COL26A1: variants seen among roughly 807,000 people sequenced by gnomAD.
COL26A1 encodes collagen type XXVI alpha 1 chain, also known as collagen alpha-1(XXVI) chain.
A neutral mutation model predicts 59.3 loss-of-function variants in COL26A1; 41 were observed. The ratio of observed to expected loss-of-function variants is 0.69; its 90% CI spans 0.54 to 0.90. The LOEUF (loss-of-function observed/expected upper bound fraction) is 0.90. Ranked by LOEUF, COL26A1 falls within the 40% of genes least tolerant of loss-of-function variation. The pLI is 0.00. For synonymous variants in COL26A1, 266 were observed against 256.0 expected (o/e 1.04, Z -0.37); for missense variants, 612 against 602.3 (o/e 1.02, Z -0.17).
intron 3 of COL26A1, among the ~76,000 whole-genome samples, chr7:101,517,870 G>A (rs1018310226): frequency 7.4e-6 from 1 of 135,600 alleles, no homozygotes; most frequent in African/African-American, 2.8e-5. Flanking sequence ...CTGGAGTGCA[G>A]TGGTGCAATC....
chr7:101,421,624 G>A (rs749189632), intron 2 of COL26A1, among the ~76,000 whole-genome samples: 1 of 151,062 alleles, frequency 6.6e-6, no homozygotes, highest in African/African-American at 2.4e-5. Flanking sequence ...GCAGTAAACC[G>A]AGATTGCGCC....
At chr7:101,466,705 T>C (rs944506227) in intron 3 of COL26A1, among the ~76,000 whole-genome samples, 1 of 151,822 alleles carries the variant, frequency 6.6e-6, no homozygotes, top group African/African-American at 2.4e-5. Context: ...AATATATAAA[T>C]AAATACAGAC....
At chr7:101,486,972 G>A (rs1439184401) in intron 3 of COL26A1, among the ~76,000 whole-genome samples, 1 of 152,234 alleles carries the variant, frequency 6.6e-6, no homozygotes, top group East Asian at 1.9e-4. Context: ...ACAGTCCCAG[G>A]GCTGGAGGGG....
chr7:101,384,779 A>G (rs781060980), intron 1 of COL26A1, among the ~76,000 whole-genome samples: 1 of 152,168 alleles, frequency 6.6e-6, no homozygotes, highest in African/African-American at 2.4e-5. Flanking sequence ...GTGAAGTCCC[A>G]TAATAAGCCG....
intron 10 of COL26A1, 114 bp from the exon 11 acceptor site, chr7:101,553,212 G>A (rs1795896605): frequency 2.1e-6 from 2 of 934,548 alleles, no homozygotes; most frequent in Non-Finnish European, 3.4e-6. Context: ...CCGTTTCCCA[G>A]GCCCTGCCTG....
At chr7:101,419,824 C>T (rs975381050) in intron 1 of COL26A1, among the ~76,000 whole-genome samples, 153 bp from the exon 2 acceptor site, 16 of 152,164 alleles carry the variant, frequency 1.1e-4, no homozygotes, top group African/African-American at 2.4e-4. Flanking sequence ...CCCCTCAGAC[C>T]GAGACAGAGG....
At chr7:101,474,913 C>T (rs1793996867) in intron 3 of COL26A1, among the ~76,000 whole-genome samples, 1 of 152,312 alleles carries the variant, frequency 6.6e-6, no homozygotes, top group Non-Finnish European at 1.5e-5. Flanking sequence ...TGATCTCAGG[C>T]CAGGCGCAGT....
chr7:101,451,112 T>C (rs1282946591), intron 3 of COL26A1, among the ~76,000 whole-genome samples: 2 of 103,532 alleles, frequency 1.9e-5, no homozygotes, highest in Non-Finnish European at 4.5e-5. Flanking sequence ...ACGTATTATA[T>C]ATTGTTGAAA....
At chr7:101,551,919 G>A (rs912385329) in intron 10 of COL26A1, among the ~76,000 whole-genome samples, 4 of 152,134 alleles carry the variant, frequency 2.6e-5, no homozygotes, top group African/African-American at 7.2e-5. Flanking sequence ...CCCCCACAGC[G>A]CATGTAAGCT....
intron 1 of COL26A1, among the ~76,000 whole-genome samples, chr7:101,384,201 A>T (rs1791512452): frequency 7.5e-6 from 1 of 132,846 alleles, no homozygotes; most frequent in Admixed American, 7.5e-5. Flanking sequence ...ATTTGTAGAG[A>T]TGGGGGTCTT....
intron 8 of COL26A1, among the ~76,000 whole-genome samples, chr7:101,547,474 A>G (rs1795762063): frequency 6.6e-6 from 1 of 152,244 alleles, no homozygotes; most frequent in Non-Finnish European, 1.5e-5. Context: ...CTGGAATAAG[A>G]TGCCTGCATG....
intron 2 of COL26A1, among the ~76,000 whole-genome samples, chr7:101,425,962 G>A (rs1355497121): frequency 6.6e-6 from 1 of 151,632 alleles, no homozygotes; most frequent in Non-Finnish European, 1.5e-5. Context: ...GAGTAGCTGG[G>A]ACCATAGGTG....
At chr7:101,436,651 A>C (rs1792922936) in intron 2 of COL26A1, among the ~76,000 whole-genome samples, 1 of 149,956 alleles carries the variant, frequency 6.7e-6, no homozygotes, top group Non-Finnish European at 1.5e-5. Context: ...GAGAGCCAAG[A>C]CCTCTGCTTA....
Position 101,551,130 on chromosome 7 carries a change from C to T in COL26A1, c.1016C>T (p.Thr339Ile). 3 of 1,554,316 alleles carry T rather than the reference C, an allele frequency of 1.9e-6. No homozygotes were observed. The highest frequency in any genetic ancestry group is 2.6e-6 in the Non-Finnish European group (3 of 1,149,818). The change falls in exon 10 of 13, where the codon ACA becomes ATA. Residue 339 changes from threonine (T) to isoleucine (I), a missense_variant. Thr to Ile is a moderately conservative substitution (Grantham distance 89, BLOSUM62 -1). Transcript: ENST00000313669. ...GSQGLAGERG[T>I]VGPSGEPGVK... is the part of the protein sequence containing the mutation. ...CAGGGCCTGGCTGGAGAGCGAGGCA[C>T]AGTGGGGCCGTCCGTAAGTGTGGGC... is the stretch of plus-strand genomic sequence containing the variant.
At chr7:101,453,505 C>G (rs929229197) in intron 3 of COL26A1, among the ~76,000 whole-genome samples, 3 of 152,204 alleles carry the variant, frequency 2.0e-5, no homozygotes, top group Non-Finnish European at 4.4e-5. Flanking sequence ...CAGCACCTCT[C>G]AAGATGCTCT....
At chr7:101,518,309 G>A (rs1795072796) in intron 3 of COL26A1, among the ~76,000 whole-genome samples, 1 of 152,164 alleles carries the variant, frequency 6.6e-6, no homozygotes, top group Admixed American at 6.5e-5. Context: ...GTGCCCCTCA[G>A]CCCTCTGGGG....
At chr7:101,461,121 G>A (rs116697327) in intron 3 of COL26A1, among the ~76,000 whole-genome samples, 1,553 of 152,212 alleles carry the variant, frequency 0.01, 29 homozygotes, top group African/African-American at 0.035. Context: ...GACCACAGGT[G>A]CACCACACCA....
Position 101,553,224 on chromosome 7 carries a change from C to T in COL26A1, c.1030-102C>T, listed in dbSNP as rs559380275. 5.4e-4 allele frequency: 574 copies of T among 1,069,738 alleles called. 4 individuals are homozygous for T. The South Asian group carries it at 7.6e-3, about 14-fold the overall frequency. 66.3% of individuals were successfully genotyped at this position (1,069,738 alleles called of 1,614,324 possible). A position where few individuals can be genotyped will look rare whatever the true frequency, so the allele number is the denominator to read the frequency against. Reference sequence around the variant, plus strand: ...CACCCGTTTCCCAGGCCCTGCCTGCCCAGCCTGCCCCTGACTCCCTGCAGG... The same window carrying T: ...CACCCGTTTCCCAGGCCCTGCCTGCTCAGCCTGCCCCTGACTCCCTGCAGG... On this transcript the variant is annotated intron_variant, in intron 10 of 12. Coordinates refer to ENST00000313669, the MANE Select transcript of COL26A1 (RefSeq NM_001278563.3).
chr7:101,493,777 A>AG (rs1223840091), intron 3 of COL26A1, among the ~76,000 whole-genome samples: 6 of 150,102 alleles, frequency 4.0e-5, no homozygotes, highest in Non-Finnish European at 8.9e-5. Context: ...AAAAAAAAAA[A>AG]AAAAAATTAG....
Sources: allele counts gnomAD v4.1 joint callset (sites outside exome capture counted in the v4.1 genomes callset), GRCh38; gene constraint gnomAD v4.1.1; transcripts MANE v1.5; gene names NCBI Gene and HGNC (gene_info 2026-07-23, HGNC 2026-07-21).